Variants in PCLO observed in about 807,000 individuals in gnomAD.
PCLO encodes the protein piccolo presynaptic cytomatrix protein, also known as protein piccolo.
Under a neutral mutation model 427.5 loss-of-function variants are expected in PCLO, and 82 were observed. The observed-to-expected ratio is 0.19, with a 90% CI of 0.16 to 0.23. The LOEUF (loss-of-function observed/expected upper bound fraction) is 0.23, where lower values mean the gene tolerates loss of function less well. Among genes scored for constraint, PCLO ranks in the 10% least tolerant of loss-of-function variants. The pLI, the probability that PCLO is intolerant of heterozygous loss-of-function variation, is 1.00. For synonymous variants in PCLO, 2,357 were observed against 2,155.4 expected (o/e 1.09, Z -2.59); for missense variants, 6,239 against 6,115.9 (o/e 1.02, Z -0.67).
chr7:82,778,715 C>G (rs545831525), intron 22 of PCLO, among the ~76,000 whole-genome samples: 1 of 151,670 alleles, frequency 6.6e-6, no homozygotes. Flanking sequence ...TGTAGGCAAC[C>G]GATTTTCTCT....
chr7:83,016,042 A>G (rs1193716710), intron 3 of PCLO, among the ~76,000 whole-genome samples: 3 of 152,110 alleles, frequency 2.0e-5, no homozygotes, highest in Non-Finnish European at 4.4e-5. Context: ...TGTTTTCATG[A>G]ACGTGCACAG....
rs869061778 is a variant in PCLO at position 83,043,912 on chromosome 7, C to CTTTTTTTTTTTTTTTTTTTTTTTTT, written c.3301-77426_3301-77425insAAAAAAAAAAAAAAAAAAAAAAAAA. Among the ~76,000 whole-genome samples the CTTTTTTTTTTTTTTTTTTTTTTTTT allele has an allele frequency of 9.5e-5, 9 of 94,914 alleles. 1 individual carries two copies. Among genetic ancestry groups the CTTTTTTTTTTTTTTTTTTTTTTTTT allele is most frequent in the South Asian group, 3.8e-4 (1 of 2,646 alleles). 62.3% of individuals were successfully genotyped at this position (94,914 alleles called of 152,430 possible). A position where few individuals can be genotyped will look rare whatever the true frequency, so the allele number is the denominator to read the frequency against. On this transcript the variant is annotated intron_variant, in intron 3 of 24. Coordinates refer to ENST00000333891, the MANE Select transcript of PCLO (RefSeq NM_033026.6). ...AACTCAATCTTATTACTATTATTTT[C>CTTTTTTTTTTTTTTTTTTTTTTTTT]TTTTTTTTTTTTTTTTTTTTTTTGC... is the stretch of plus-strand genomic sequence containing the variant.
At chr7:82,919,883 C>A (rs919905675) in intron 6 of PCLO, among the ~76,000 whole-genome samples, 1 of 151,952 alleles carries the variant, frequency 6.6e-6, no homozygotes, top group Non-Finnish European at 1.5e-5. Flanking sequence ...CTCTTCAAAG[C>A]ACTTTGCTAG....
At chr7:83,041,118 A>C (rs1333017185) in intron 3 of PCLO, among the ~76,000 whole-genome samples, 1 of 152,196 alleles carries the variant, frequency 6.6e-6, no homozygotes, top group African/African-American at 2.4e-5. Context: ...TTGAAACCAC[A>C]AACATAATGC....
chr7:82,913,614 C>T (rs1341747064), intron 7 of PCLO, among the ~76,000 whole-genome samples: 1 of 152,012 alleles, frequency 6.6e-6, no homozygotes, highest in East Asian at 1.9e-4. Flanking sequence ...AGGCTCTTCA[C>T]ACCTTTGTAT....
intron 3 of PCLO, among the ~76,000 whole-genome samples, chr7:83,052,840 A>G (rs1789287434): frequency 6.6e-6 from 1 of 151,660 alleles, no homozygotes; most frequent in African/African-American, 2.4e-5. Flanking sequence ...TTATAATCCA[A>G]CCTCTTCTCC....
chr7:82,898,609 T>C (rs1793963909), intron 9 of PCLO, among the ~76,000 whole-genome samples: 2 of 151,550 alleles, frequency 1.3e-5, no homozygotes, highest in Non-Finnish European at 1.5e-5. Flanking sequence ...ATACTACATT[T>C]TATTCTTCAC....
intron 1 of PCLO, among the ~76,000 whole-genome samples, chr7:83,157,660 C>T (rs943421705): frequency 6.6e-6 from 1 of 151,610 alleles, no homozygotes; most frequent in African/African-American, 2.4e-5. Context: ...TAAAATAATT[C>T]ATACTTTAAC....
rs757503553 is a variant in PCLO, at chr7:82,954,718, C to T, written c.6235G>A (p.Gly2079Arg). 3.1e-6 allele frequency: 5 copies of T among 1,613,742 alleles called. No individual in the cohort carries two copies. The Admixed American group carries it at 6.7e-5, about 22-fold the overall frequency. The change falls in exon 5 of 25, where the codon GGA becomes AGA. Residue 2079 changes from glycine (G) to arginine (R), a missense_variant. Physicochemically the swap from Gly to Arg is moderately radical, Grantham distance 125. This residue lies in a region of PCLO where 4,677 missense variants were observed against 4,468.4 expected (regional missense o/e 1.05). Coordinates refer to ENST00000333891, the MANE Select transcript of PCLO (RefSeq NM_033026.6). ...MKRQQMQLTP[G>R]SSPTQAPIGE... ...ATGGGGGCCTGGGTTGGGCTAGATC[C>T]AGGTGTTAATTGCATCTGTTGCCTC...
intron 2 of PCLO, among the ~76,000 whole-genome samples, chr7:83,141,343 A>T (rs1791856812): frequency 6.6e-6 from 1 of 152,222 alleles, no homozygotes. Flanking sequence ...TATGACAAAT[A>T]AGGAAAAATA....
intron 3 of PCLO, among the ~76,000 whole-genome samples, chr7:83,054,204 T>A (rs1789321509): frequency 6.6e-6 from 1 of 151,934 alleles, no homozygotes; most frequent in Non-Finnish European, 1.5e-5. Context: ...AAGAAAAAAA[T>A]TCTACCTTTT....
At chr7:83,147,675 A>T (rs1792029488) in intron 2 of PCLO, among the ~76,000 whole-genome samples, 1 of 152,246 alleles carries the variant, frequency 6.6e-6, no homozygotes, top group Non-Finnish European at 1.5e-5. Context: ...CAAGTCCTTT[A>T]ACCCTTTATA....
At chr7:82,765,588 T>C (rs1790516282) in intron 22 of PCLO, among the ~76,000 whole-genome samples, 1 of 151,986 alleles carries the variant, frequency 6.6e-6, no homozygotes, top group Admixed American at 6.6e-5. Context: ...TACTCTCCTC[T>C]CAAAGATTTG....
At chr7:82,847,370 G>A in intron 10 of PCLO, 123 bp from the exon 11 acceptor site, 1 of 588,226 alleles carries the variant, frequency 1.7e-6, no homozygotes, top group Non-Finnish European at 3.0e-6. Context: ...GAGAACATCA[G>A]TTCCAAGTTC....
intron 10 of PCLO, among the ~76,000 whole-genome samples, chr7:82,863,402 G>T (rs1793013232): frequency 1.3e-5 from 2 of 151,952 alleles, no homozygotes; most frequent in African/African-American, 2.4e-5. Flanking sequence ...CATAAAAAGT[G>T]CAAATATTCT....
intron 3 of PCLO, among the ~76,000 whole-genome samples, chr7:83,126,922 T>C (rs966016314): frequency 6.6e-6 from 1 of 152,080 alleles, no homozygotes; most frequent in Non-Finnish European, 1.5e-5. Context: ...AAGAGATACA[T>C]TGTTGGCAGG....
At chr7:82,961,074 A>G (rs938948113) in intron 4 of PCLO, among the ~76,000 whole-genome samples, 13 of 152,202 alleles carry the variant, frequency 8.5e-5, no homozygotes, top group African/African-American at 2.9e-4. Flanking sequence ...TAACCTTATC[A>G]ATAATTGTAT....
Position 82,891,249 on chromosome 7 carries a change from G to A in PCLO, c.13528+11402C>T, listed in dbSNP as rs192638559. Reference sequence around the variant, plus strand: ...TTAGCTATTTTTGTCTTTTTTAAAAGCTGTTCTTAATCACTTCTGCTCAGA... The same window carrying A: ...TTAGCTATTTTTGTCTTTTTTAAAAACTGTTCTTAATCACTTCTGCTCAGA... On this transcript the variant is annotated intron_variant, in intron 9 of 24. Transcript: ENST00000333891. Among the ~76,000 whole-genome samples the A allele has an allele frequency of 3.1e-3, 474 of 152,104 alleles. 3 individuals are homozygous for A. Among genetic ancestry groups the A allele is most frequent in the Non-Finnish European group, 5.6e-3 (381 of 67,984 alleles).
intron 16 of PCLO, among the ~76,000 whole-genome samples, chr7:82,830,539 T>G (rs1792068972): frequency 6.6e-6 from 1 of 152,030 alleles, no homozygotes; most frequent in African/African-American, 2.4e-5. Flanking sequence ...TCATGGCTAT[T>G]CTCATAGGTG....
Sources: gnomAD v4.1 joint callset for allele counts (sites outside exome capture counted in the v4.1 genomes callset) on GRCh38, gnomAD v4.1.1 for gene constraint, gnomAD v4.1.1 regional missense constraint, MANE v1.5 for transcripts, NCBI Gene and HGNC (gene_info 2026-07-23, HGNC 2026-07-21) for gene names.